CPXM2: variants seen among roughly 807,000 people sequenced by gnomAD.
The protein encoded by CPXM2 is carboxypeptidase X, M14 family member 2.
Under a neutral mutation model 86.1 loss-of-function variants are expected in CPXM2, and 66 were observed. The observed-to-expected ratio is 0.77, with a 90% CI of 0.63 to 0.94. The LOEUF (loss-of-function observed/expected upper bound fraction) is 0.94. CPXM2 is among the 40% of genes least tolerant of loss of function. The pLI, the probability that CPXM2 is intolerant of heterozygous loss-of-function variation, is 0.00. For missense variants in CPXM2, 948 were observed against 1,026.3 expected (o/e 0.92, Z 1.04); for synonymous variants, 388 against 400.2 (o/e 0.97, Z 0.36).
intron 4 of CPXM2, among the ~76,000 whole-genome samples, chr10:123,830,642 C>T (rs1404765445): frequency 6.6e-6 from 1 of 152,182 alleles, no homozygotes; most frequent in African/African-American, 2.4e-5. Flanking sequence ...TCCTGTCCAT[C>T]ACCTCCTGAC....
At chr10:123,915,692 C>G (rs1231178341) in intron 2 of CPXM2, among the ~76,000 whole-genome samples, 1 of 152,044 alleles carries the variant, frequency 6.6e-6, no homozygotes, top group South Asian at 2.1e-4. Flanking sequence ...TCAATGGCTC[C>G]TTATGGACAG....
chr10:123,762,301 C>A, intron 10 of CPXM2, 132 bp from the exon 11 acceptor site: 1 of 1,268,060 alleles, frequency 7.9e-7, no homozygotes, highest in Non-Finnish European at 1.1e-6. Flanking sequence ...ATTTCAAAAC[C>A]AATTCTGGGA....
intron 2 of CPXM2, among the ~76,000 whole-genome samples, chr10:123,867,527 C>CTTTTTTTTT (rs34482126): frequency 7.5e-5 from 7 of 92,924 alleles, no homozygotes; most frequent in Non-Finnish European, 1.3e-4. Context: ...AGATTTCTTT[C>CTTTTTTTTT]TTTTTTTTTT....
intron 6 of CPXM2, among the ~76,000 whole-genome samples, chr10:123,784,260 A>G (rs1847000663): frequency 6.6e-6 from 1 of 152,186 alleles, no homozygotes; most frequent in Non-Finnish European, 1.5e-5. Flanking sequence ...AAAGGCTGAC[A>G]TCGTACCACT....
At chr10:123,822,657 A>C (rs1847952679) in intron 4 of CPXM2, among the ~76,000 whole-genome samples, 1 of 152,086 alleles carries the variant, frequency 6.6e-6, no homozygotes, top group South Asian at 2.1e-4. Context: ...TAAGCCAGAA[A>C]AAAATTTATA....
chr10:123,844,457 G>A (rs1251739853), intron 3 of CPXM2, among the ~76,000 whole-genome samples: 1 of 151,806 alleles, frequency 6.6e-6, no homozygotes, highest in Non-Finnish European at 1.5e-5. Context: ...TTACCTTAAA[G>A]AAAGCACACC....
chr10:123,911,056 C>A (rs1945484326), intron 2 of CPXM2, among the ~76,000 whole-genome samples: 1 of 152,170 alleles, frequency 6.6e-6, no homozygotes, highest in East Asian at 1.9e-4. Context: ...GGATTAAAGC[C>A]CATCCCAAGG....
upstream of CPXM2, among the ~76,000 whole-genome samples, chr10:123,893,891 T>G (rs1243639856): frequency 1.3e-5 from 2 of 152,162 alleles, no homozygotes; most frequent in Non-Finnish European, 2.9e-5. Context: ...GCCAGGACGG[T>G]GCCCTGCACC....
In CPXM2 at chr10:123,865,476, C is replaced by T. The variant is rs185961960; in HGVS notation, c.404-2753G>A. Among the ~76,000 whole-genome samples, 621 of 152,194 alleles carry T rather than the reference C, an allele frequency of 4.1e-3. 3 individuals carry two copies. The highest frequency in any genetic ancestry group is 0.014 in the African/African-American group (592 of 41,536). ...TGGCAGAAAGTGAGAAGGACAGAGG[C>T]GGGACACAGGACACGTGCAGGTGGA... On this transcript the variant is annotated intron_variant, in intron 2 of 13. Transcript: ENST00000241305. The surrounding 1 kb of genome is among the most constrained non-coding windows in gnomAD (Gnocchi z 4.7).
chr10:123,828,926 A>G (rs574622932), intron 4 of CPXM2, among the ~76,000 whole-genome samples: 24 of 152,366 alleles, frequency 1.6e-4, no homozygotes, highest in African/African-American at 4.6e-4. Flanking sequence ...CTAAGAAGAC[A>G]GAAAGACAAA....
At chr10:123,835,481 C>G (rs1848258697) in intron 4 of CPXM2, among the ~76,000 whole-genome samples, 1 of 152,144 alleles carries the variant, frequency 6.6e-6, no homozygotes, top group East Asian at 1.9e-4. Flanking sequence ...GACTGCATGC[C>G]TGGCATTCTA....
chr10:123,830,878 G>C (rs150773901), intron 4 of CPXM2, among the ~76,000 whole-genome samples: 17,830 of 111,000 alleles, frequency 0.16, 1,168 homozygotes, highest in Middle Eastern at 0.29. Flanking sequence ...CTCTCTGTGT[G>C]TGTGTGTGTG....
upstream of CPXM2, among the ~76,000 whole-genome samples, chr10:123,943,128 C>T (rs1191680390): frequency 7.4e-6 from 1 of 134,446 alleles, no homozygotes; most frequent in Non-Finnish European, 1.6e-5. Context: ...ATGCATTTCT[C>T]AAAACATATC....
chr10:123,784,791 T>A (rs1847012599), intron 6 of CPXM2, among the ~76,000 whole-genome samples: 1 of 152,222 alleles, frequency 6.6e-6, no homozygotes, highest in Non-Finnish European at 1.5e-5. Flanking sequence ...ATCTTAATTC[T>A]TTCCTCTTCA....
At chr10:123,792,672 G>A (rs1847232130) in intron 6 of CPXM2, among the ~76,000 whole-genome samples, 1 of 152,200 alleles carries the variant, frequency 6.6e-6, no homozygotes, top group Non-Finnish European at 1.5e-5. Flanking sequence ...GCAACAGGTT[G>A]GTTCCCCTTG....
At chr10:123,764,346 T>C (rs1219746) in intron 10 of CPXM2, among the ~76,000 whole-genome samples, 9,911 of 152,278 alleles carry the variant, frequency 0.065, 476 homozygotes, top group East Asian at 0.27. Flanking sequence ...CTAAAAGCTA[T>C]ATTCAAAATT....
intron 1 of CPXM2, among the ~76,000 whole-genome samples, chr10:123,880,612 A>C (rs137929497): frequency 5.9e-5 from 9 of 151,974 alleles, no homozygotes; most frequent in Non-Finnish European, 8.8e-5. Flanking sequence ...GGTGGATCAC[A>C]AGGTCAGGAG....
intron 6 of CPXM2, among the ~76,000 whole-genome samples, chr10:123,789,017 T>G (rs1339137008): frequency 6.6e-6 from 1 of 152,102 alleles, no homozygotes; most frequent in Non-Finnish European, 1.5e-5. Flanking sequence ...GCTGCCATTG[T>G]GGCCTTGTGA....
chr10:123,814,986 C>A (rs554052028), intron 4 of CPXM2, among the ~76,000 whole-genome samples: 2 of 152,276 alleles, frequency 1.3e-5, no homozygotes, highest in South Asian at 4.2e-4. Flanking sequence ...GATTGCACCA[C>A]TGCACTCCAG....
Sources: gnomAD v4.1 joint callset for allele counts (sites outside exome capture counted in the v4.1 genomes callset) on GRCh38, gnomAD v4.1.1 for gene constraint, Gnocchi (gnomAD v3.1) non-coding constraint, MANE v1.5 for transcripts, NCBI Gene and HGNC (gene_info 2026-07-23, HGNC 2026-07-21) for gene names.